The following NLGN1 variants were observed in gnomAD, a reference collection of about 807,000 sequenced individuals.
NLGN1 encodes neuroligin-1.
NLGN1 carries 12 observed loss-of-function variants against 65.5 expected under a neutral mutation model. The observed-to-expected ratio is 0.18, with a 90% CI of 0.12 to 0.30. The LOEUF (loss-of-function observed/expected upper bound fraction) is 0.30. Among genes scored for constraint, NLGN1 ranks in the 10% least tolerant of loss-of-function variants. The probability of loss-of-function intolerance (pLI) is 1.00; values close to 1 mark genes in which losing one functional copy is unlikely to be tolerated. For synonymous variants in NLGN1, 350 were observed against 359.5 expected (o/e 0.97, Z 0.30); for missense variants, 750 against 1,007.1 (o/e 0.74, Z 3.46).
At chr3:173,995,600 A>G (rs930910594) in intron 4 of NLGN1, among the ~76,000 whole-genome samples, 5 of 151,768 alleles carry the variant, frequency 3.3e-5, no homozygotes, top group Admixed American at 6.6e-5. Context: ...TGAATTGATC[A>G]GTCACTCCAA....
intron 3 of NLGN1, among the ~76,000 whole-genome samples, chr3:173,727,623 C>A (rs1400878413): frequency 6.6e-6 from 1 of 152,086 alleles, no homozygotes; most frequent in Non-Finnish European, 1.5e-5. Context: ...CCTTTCAGCT[C>A]TTGCCCAACC....
intron 3 of NLGN1, among the ~76,000 whole-genome samples, chr3:173,684,014 T>C (rs948812691): frequency 6.6e-6 from 1 of 152,120 alleles, no homozygotes; most frequent in African/African-American, 2.4e-5. Context: ...ATTTACATAG[T>C]AAACAATTTA....
At chr3:173,852,355 CAAAAAAAAAAAAAAAA>C (rs71162367) in intron 4 of NLGN1, among the ~76,000 whole-genome samples, 4 of 46,660 alleles carry the variant, frequency 8.6e-5, no homozygotes, top group African/African-American at 1.6e-4. Context: ...GACTCCGTCT[CAAAAAAAAAAAAAAAA>C]AAAAAAAAAA....
chr3:173,821,351 G>A (rs760150108), intron 4 of NLGN1, among the ~76,000 whole-genome samples: 4 of 152,232 alleles, frequency 2.6e-5, no homozygotes, highest in Admixed American at 6.5e-5. Flanking sequence ...AACATTCTTT[G>A]TGGTAATATC....
intron 4 of NLGN1, among the ~76,000 whole-genome samples, chr3:174,141,394 T>C (rs1189475986): frequency 6.6e-6 from 1 of 150,800 alleles, no homozygotes; most frequent in African/African-American, 2.5e-5. Context: ...ATGTCTCATG[T>C]GAAGAAGAAA....
intron 4 of NLGN1, among the ~76,000 whole-genome samples, chr3:174,217,679 G>C (rs1010648344): frequency 1.3e-5 from 2 of 152,046 alleles, no homozygotes; most frequent in Non-Finnish European, 2.9e-5. Flanking sequence ...TCCATAACAT[G>C]AGTGTTAGAG....
chr3:173,914,121 G>T (rs996667223), intron 4 of NLGN1, among the ~76,000 whole-genome samples: 2 of 152,078 alleles, frequency 1.3e-5, no homozygotes, highest in Non-Finnish European at 2.9e-5. Context: ...CTGTGGTTCT[G>T]CCTCCCTAGG....
In NLGN1 at chr3:174,279,795, T is replaced by C. The variant is rs552633452; in HGVS notation, c.1649+145T>C. 2 of 588,342 alleles carry C rather than the reference T, an allele frequency of 3.4e-6. No individual in the cohort carries two copies. The highest frequency in any genetic ancestry group is 5.9e-5 in the East Asian group (2 of 34,126). The allele number at this position is 588,342 out of a possible 1,614,324, so 36.4% of individuals were successfully genotyped here. A position where few individuals can be genotyped will look rare whatever the true frequency, so the allele number is the denominator to read the frequency against. Reference sequence around the variant, plus strand: ...TCCTTTATTCAAAATTAATTCTATATTATGGTGTTTTTAAAAGTCATTGCT... The same window carrying C: ...TCCTTTATTCAAAATTAATTCTATACTATGGTGTTTTTAAAAGTCATTGCT... On this transcript the variant is annotated intron_variant, in intron 6 of 6. Transcript: ENST00000457714. This position sits in a 1 kb window ranked among gnomAD's most constrained non-coding sequence, Gnocchi z 4.7.
chr3:174,108,050 C>T lies in NLGN1; in HGVS notation c.647-167265C>T, dbSNP rs369220179. On this transcript the variant is annotated intron_variant, in intron 4 of 6. Transcript: ENST00000457714. Reference sequence around the variant, plus strand: ...TTTTATATTTTAAATAGTAATATTTCGTTAAGTATGAAGTTTACAGATTTT... The same window carrying T: ...TTTTATATTTTAAATAGTAATATTTTGTTAAGTATGAAGTTTACAGATTTT... Among the ~76,000 whole-genome samples, 4 of 152,014 alleles carry T rather than the reference C, an allele frequency of 2.6e-5. 1 individual carries two copies. The South Asian group carries it at 8.3e-4, about 32-fold the overall frequency.
intron 4 of NLGN1, among the ~76,000 whole-genome samples, chr3:173,816,030 TTATAAA>T (rs1352762756): frequency 2.7e-5 from 4 of 145,764 alleles, no homozygotes; most frequent in Admixed American, 7.0e-5. Flanking sequence ...ATTTACAAAA[TTATAAA>T]TATAATATAG....
At chr3:174,131,240 A>G (rs985469070) in intron 4 of NLGN1, among the ~76,000 whole-genome samples, 25 of 152,328 alleles carry the variant, frequency 1.6e-4, no homozygotes, top group African/African-American at 6.0e-4. Context: ...TAAGTAACAT[A>G]CCTATTATTT....
chr3:174,270,239 C>T (rs192570555), intron 4 of NLGN1, among the ~76,000 whole-genome samples: 89 of 145,168 alleles, frequency 6.1e-4, no homozygotes, highest in Middle Eastern at 7.1e-3. Context: ...ATTGCCACAT[C>T]GAATTTCCTG....
chr3:174,161,876 A>C (rs1464374443), intron 4 of NLGN1, among the ~76,000 whole-genome samples: 1 of 151,868 alleles, frequency 6.6e-6, no homozygotes, highest in East Asian at 1.9e-4. Flanking sequence ...TATTGAAAGA[A>C]ATCATAAATG....
intron 2 of NLGN1, among the ~76,000 whole-genome samples, chr3:173,583,045 A>G (rs1240678821): frequency 6.6e-6 from 1 of 152,192 alleles, no homozygotes; most frequent in Admixed American, 6.5e-5. Context: ...CCACAAATCC[A>G]TGAATATTTT....
intron 4 of NLGN1, among the ~76,000 whole-genome samples, chr3:174,245,990 A>C (rs916282564): frequency 2.0e-5 from 3 of 152,190 alleles, no homozygotes; most frequent in Admixed American, 2.0e-4. Flanking sequence ...ATGTACGTTT[A>C]TTGAGTTTCT....
chr3:173,766,726 T>C (rs543824804), intron 3 of NLGN1, among the ~76,000 whole-genome samples: 3 of 152,186 alleles, frequency 2.0e-5, no homozygotes, highest in Non-Finnish European at 4.4e-5. Flanking sequence ...TCACAATTTG[T>C]AAAGTTAGGA....
intron 2 of NLGN1, among the ~76,000 whole-genome samples, chr3:173,445,391 GTTAA>G (rs1720076823): frequency 6.6e-6 from 1 of 151,934 alleles, no homozygotes. Flanking sequence ...CTTAGGTATG[GTTAA>G]TTAAAGCTTA....
At chr3:173,446,765 G>A (rs1390475568) in intron 2 of NLGN1, among the ~76,000 whole-genome samples, 1 of 152,198 alleles carries the variant, frequency 6.6e-6, no homozygotes, top group Non-Finnish European at 1.5e-5. Context: ...TCTAACTGGT[G>A]TGAGATGGGA....
chr3:174,190,611 G>T, intron 4 of NLGN1, among the ~76,000 whole-genome samples: 1 of 151,916 alleles, frequency 6.6e-6, no homozygotes, highest in South Asian at 2.1e-4. Flanking sequence ...ATATAACTAT[G>T]TTCATCAAAA....
Sources: gnomAD v4.1 joint callset for allele counts (sites outside exome capture counted in the v4.1 genomes callset) on GRCh38, gnomAD v4.1.1 for gene constraint, Gnocchi (gnomAD v3.1) non-coding constraint, MANE v1.5 for transcripts, NCBI Gene and HGNC (gene_info 2026-07-23, HGNC 2026-07-21) for gene names.